The following UMODL1 variants were observed in gnomAD, a reference collection of about 807,000 sequenced individuals.
The protein encoded by UMODL1 is uromodulin-like 1.
A neutral mutation model predicts 136.3 loss-of-function variants in UMODL1; 128 were observed. The ratio of observed to expected loss-of-function variants is 0.94; its 90% confidence interval spans 0.81 to 1.09. The LOEUF (loss-of-function observed/expected upper bound fraction) is 1.09. UMODL1 is among the 50% of genes least tolerant of loss of function. The probability of loss-of-function intolerance (pLI) is 0.00; values close to 1 mark genes in which losing one functional copy is unlikely to be tolerated. For missense variants in UMODL1, 1,766 were observed against 1,725.6 expected (o/e 1.02, Z -0.41); for synonymous variants, 721 against 720.0 (o/e 1.00, Z -0.02).
chr21:42,111,034 C>A lies in UMODL1; in HGVS notation c.1812C>A (p.Ala604=). The change falls in exon 11 of 23, where the codon GCC becomes GCA. Residue 604 remains alanine, a synonymous_variant. Coordinates refer to ENST00000408910, the MANE Select transcript of UMODL1 (RefSeq NM_001004416.3). ...AGGGCACCCCGGCAGCAGGCCAGGC[C>A]TGGACCCCAGAGCCCTCACCCAGAA... ...YPQGTPAAGQ[A]WTPEPSPRRG... is the part of the protein sequence containing the mutation. 1 of 1,613,336 alleles carries A rather than the reference C, an allele frequency of 6.2e-7. No homozygotes were observed. The highest frequency in any genetic ancestry group is 8.5e-7 in the Non-Finnish European group (1 of 1,179,814).
chr21:42,111,572 T>A lies in UMODL1; in HGVS notation c.1966T>A (p.Phe656Ile). The A allele has an allele frequency of 6.2e-7, 1 of 1,614,110 alleles. No individual in the cohort carries two copies. The highest frequency in any genetic ancestry group is 1.1e-5 in the South Asian group (1 of 91,078). ...PSPTEDPTGHFLWHATRSTRE... is the reference protein window; with the variant it reads ...PSPTEDPTGHILWHATRSTRE... ...CCCTACTGAGGACCCCACCGGCCAC[T>A]TCCTGTGGCATGCCACCCGTTCCAC... is the stretch of plus-strand genomic sequence containing the variant. Residue 656 changes from phenylalanine to isoleucine, a missense_variant, in exon 12 of 23, where the codon TTC becomes ATC. Physicochemically the swap from Phe to Ile is conservative, Grantham distance 21 (BLOSUM62 0). Coordinates refer to ENST00000408910, the MANE Select transcript of UMODL1 (RefSeq NM_001004416.3).
intron 21 of UMODL1, among the ~76,000 whole-genome samples, chr21:42,133,576 AGT>A: frequency 6.6e-6 from 1 of 152,316 alleles, no homozygotes; most frequent in East Asian, 1.9e-4. Flanking sequence ...GTTCTCTCTC[AGT>A]TCTGGAGGCC....
At chr21:42,077,096 A>G (rs1405629114) in intron 2 of UMODL1, among the ~76,000 whole-genome samples, 1 of 148,346 alleles carries the variant, frequency 6.7e-6, no homozygotes, top group Non-Finnish European at 1.5e-5. Flanking sequence ...TCAATACCAG[A>G]TCTGCAATGA....
chr21:42,119,866 C>G (rs868764541), intron 15 of UMODL1, among the ~76,000 whole-genome samples: 10 of 152,086 alleles, frequency 6.6e-5, no homozygotes, highest in Admixed American at 3.3e-4. Flanking sequence ...AAAGAAAATA[C>G]GATTTTTAGA....
chr21:42,119,384 A>C, intron 15 of UMODL1, 60 bp downstream of exon 15: 1 of 1,496,040 alleles, frequency 6.7e-7, no homozygotes, highest in Non-Finnish European at 9.2e-7. Flanking sequence ...GCCAGAGGGC[A>C]GCCACCACCC....
At chr21:42,118,756 G>C (rs1442328217) in intron 14 of UMODL1, among the ~76,000 whole-genome samples, 3 of 152,130 alleles carry the variant, frequency 2.0e-5, no homozygotes, top group Admixed American at 2.0e-4. Flanking sequence ...TGCAAACCAG[G>C]AGTATTAGGT....
intron 1 of UMODL1, among the ~76,000 whole-genome samples, chr21:42,071,887 A>G (rs546743364): frequency 6.6e-6 from 1 of 151,760 alleles, no homozygotes; most frequent in Non-Finnish European, 1.5e-5. Flanking sequence ...GTGTACCAAA[A>G]AAAAAAAAAA....
chr21:42,135,659 T>C (rs2067196009), intron 21 of UMODL1, among the ~76,000 whole-genome samples: 1 of 152,154 alleles, frequency 6.6e-6, no homozygotes, highest in Non-Finnish European at 1.5e-5. Flanking sequence ...TTAGTGTCCA[T>C]CGTGATTTAG....
At position 42,071,588 on chromosome 21, in the gene UMODL1, G is replaced by A. The variant is rs143381815; in HGVS notation, c.76+196G>A. Among the ~76,000 whole-genome samples the A allele has an allele frequency of 1.3e-4, 20 of 152,238 alleles. No individual in the cohort carries two copies. The East Asian group carries it at 3.1e-3, about 24-fold the overall frequency. Reference sequence around the variant, plus strand: ...GCTGTGGAGGTGGGGCAGGAGTGCCGGGTAGGGTTTTGGGAAGAGGACTCC... The same window carrying A: ...GCTGTGGAGGTGGGGCAGGAGTGCCAGGTAGGGTTTTGGGAAGAGGACTCC... On this transcript the variant is annotated intron_variant, in intron 1 of 22. Coordinates refer to ENST00000408910, the MANE Select transcript of UMODL1 (RefSeq NM_001004416.3).
At chr21:42,070,417 CATG>C (rs1385065328), upstream of UMODL1, among the ~76,000 whole-genome samples, 1 of 152,166 alleles carries the variant, frequency 6.6e-6, no homozygotes, top group Non-Finnish European at 1.5e-5. Context: ...TCACATATAC[CATG>C]ATGACTACTG....
intron 10 of UMODL1, among the ~76,000 whole-genome samples, chr21:42,110,290 G>C (rs895540032): frequency 6.6e-6 from 1 of 152,218 alleles, no homozygotes; most frequent in Non-Finnish European, 1.5e-5. Flanking sequence ...TAGCAATGTC[G>C]GCCCGGACAC....
rs746504443 is a variant in UMODL1, at chr21:42,122,848, G to A, written c.2845G>A (p.Glu949Lys). The change falls in exon 17 of 23, where the codon GAA becomes AAA. Residue 949 changes from glutamate to lysine, a missense_variant. Coordinates refer to ENST00000408910, the MANE Select transcript of UMODL1 (RefSeq NM_001004416.3). The surrounding 1 kb of genome is among the most constrained non-coding windows in gnomAD (Gnocchi z 4.3). ...CCTTGCAGGTGACTCTCCTGGCAATGAAACCTGGGCCACCAGCCCAGAGAG... is the reference window on the plus strand; with the variant it reads ...CCTTGCAGGTGACTCTCCTGGCAATAAAACCTGGGCCACCAGCCCAGAGAG... ...RPCEGDSPGN[E>K]TWATSPERPL... The A allele has an allele frequency of 2.0e-5, 32 of 1,598,478 alleles. No individual in the cohort carries two copies. In the South Asian group the frequency reaches 3.3e-4, roughly 17 times the overall value.
At chr21:42,126,521 G>A (rs377411833) in intron 18 of UMODL1, 31 bp downstream of exon 18, 1 of 1,614,012 alleles carries the variant, frequency 6.2e-7, no homozygotes, top group Non-Finnish European at 8.5e-7. Flanking sequence ...CTGCCCCACA[G>A]CCACGTGCCT....
Position 42,099,150 on chromosome 21 carries a change from G to A in UMODL1, c.1156G>A (p.Asp386Asn), listed in dbSNP as rs777516371. Residue 386 changes from aspartate to asparagine, a missense_variant, in exon 7 of 23, where the codon GAC becomes AAC. Physicochemically the swap from Asp to Asn is conservative, Grantham distance 23 (BLOSUM62 1). Coordinates refer to ENST00000408910, the MANE Select transcript of UMODL1 (RefSeq NM_001004416.3). This position sits in a 1 kb window ranked among gnomAD's most constrained non-coding sequence, Gnocchi z 4.1. ...VKTSYQGCGA[D>N]VSTTLTIKTN... ...GACCAGCTACCAGGGGTGCGGGGCC[G>A]ACGTCTCCACCACGCTGACCATCAA... 3.0e-5 allele frequency: 49 copies of A among 1,613,100 alleles called. No individual in the cohort carries two copies. The highest frequency in any genetic ancestry group is 5.0e-5 in the Admixed American group (3 of 60,006).
intron 8 of UMODL1, 99 bp from the exon 9 acceptor site, chr21:42,103,768 GA>G: frequency 7.2e-7 from 1 of 1,393,692 alleles, no homozygotes; most frequent in Non-Finnish European, 1.0e-6. Flanking sequence ...TTGTAGAGGA[GA>G]GAAATGGCTC....
intron 1 of UMODL1, among the ~76,000 whole-genome samples, chr21:42,074,019 C>T (rs1198354342): frequency 6.6e-6 from 1 of 152,164 alleles, no homozygotes; most frequent in Non-Finnish European, 1.5e-5. Context: ...TGGAGGGGAC[C>T]CTTCACCATC....
Position 42,127,657 on chromosome 21 carries a change from T to C in UMODL1, c.3531-15T>C. 6.2e-7 allele frequency: 1 copy of C among 1,608,570 alleles called. No homozygotes were observed. The highest frequency in any genetic ancestry group is 8.5e-7 in the Non-Finnish European group (1 of 1,178,034). ...CTCGCTGACAAGCAAGGAGTCCCAT[T>C]TCCTCTCTTCTCAGCTGCCCTGTGC... On this transcript the variant is annotated splice_polypyrimidine_tract_variant and intron_variant, in intron 19 of 22. Coordinates refer to ENST00000408910, the MANE Select transcript of UMODL1 (RefSeq NM_001004416.3).
intron 14 of UMODL1, among the ~76,000 whole-genome samples, chr21:42,117,822 T>C (rs2066920102): frequency 6.6e-6 from 1 of 152,246 alleles, no homozygotes; most frequent in South Asian, 2.1e-4. Flanking sequence ...CAACAAACAC[T>C]GAATCCTTCC....
At chr21:42,084,016 G>A (rs2146437769) in intron 2 of UMODL1, 68 bp from the exon 3 acceptor site, 5 of 1,564,994 alleles carry the variant, frequency 3.2e-6, no homozygotes, top group Non-Finnish European at 4.4e-6. Context: ...ACCGACGTGA[G>A]GTCCCCGTGC....
Sources: gnomAD v4.1 joint callset for allele counts (sites outside exome capture counted in the v4.1 genomes callset) on GRCh38, gnomAD v4.1.1 for gene constraint, Gnocchi (gnomAD v3.1) non-coding constraint, MANE v1.5 for transcripts, NCBI Gene and HGNC (gene_info 2026-07-23, HGNC 2026-07-21) for gene names.